The following MSH3 variants were observed in gnomAD, a reference collection of about 807,000 sequenced individuals.
MSH3 encodes mutS homolog 3.
Under a neutral mutation model 123.3 loss-of-function variants are expected in MSH3, and 106 were observed. The observed-to-expected ratio is 0.86, with a 90% CI of 0.73 to 1.01. MSH3 has a LOEUF of 1.01. Ranked by LOEUF, MSH3 falls within the 50% of genes least tolerant of loss-of-function variation. MSH3 has a pLI of 0.00. For missense variants in MSH3, 1,459 were observed against 1,347.6 expected (o/e 1.08, Z -1.29); for synonymous variants, 515 against 481.4 (o/e 1.07, Z -0.91).
intron 20 of MSH3, among the ~76,000 whole-genome samples, chr5:80,850,514 G>A (rs530770573): frequency 2.0e-5 from 3 of 152,284 alleles, no homozygotes; most frequent in African/African-American, 7.2e-5. Flanking sequence ...CAGAAGGCAA[G>A]GAGGAGCAAG....
chr5:80,705,404 G>C (rs1234575588), intron 8 of MSH3, among the ~76,000 whole-genome samples: 2 of 152,190 alleles, frequency 1.3e-5, no homozygotes, highest in African/African-American at 4.8e-5. Context: ...CTTTGTACCA[G>C]ACGGTGAAAG....
At chr5:80,673,528 T>TCAAACAAACAAA (rs572663390) in intron 6 of MSH3, among the ~76,000 whole-genome samples, 7 of 152,022 alleles carry the variant, frequency 4.6e-5, no homozygotes, top group African/African-American at 1.7e-4. Flanking sequence ...AGACCCTGTC[T>TCAAACAAACAAA]CAAACAAACA....
chr5:80,862,128 AGTGTCG>A (rs1265773028), intron 21 of MSH3, among the ~76,000 whole-genome samples: 1 of 152,154 alleles, frequency 6.6e-6, no homozygotes, highest in East Asian at 1.9e-4. Context: ...TGAGGAGCAC[AGTGTCG>A]GATCCCAGAC....
chr5:80,726,758 C>T (rs1386383421), intron 9 of MSH3, among the ~76,000 whole-genome samples: 1 of 152,224 alleles, frequency 6.6e-6, no homozygotes, highest in African/African-American at 2.4e-5. Context: ...GCATGAGCCA[C>T]TGCGCCCAGC....
chr5:80,689,683 A>C (rs572076610), intron 8 of MSH3, among the ~76,000 whole-genome samples: 2 of 151,428 alleles, frequency 1.3e-5, no homozygotes, highest in South Asian at 4.2e-4. Flanking sequence ...CTACCAGTTC[A>C]AGGGGATATA....
intron 2 of MSH3, among the ~76,000 whole-genome samples, chr5:80,659,680 G>T (rs1304396022): frequency 6.6e-6 from 1 of 152,040 alleles, no homozygotes; most frequent in Non-Finnish European, 1.5e-5. Context: ...CAGCCCAGGG[G>T]TATTTAGTAC....
intron 20 of MSH3, among the ~76,000 whole-genome samples, chr5:80,843,036 G>A (rs1366625378): frequency 1.3e-5 from 2 of 152,008 alleles, no homozygotes; most frequent in East Asian, 1.9e-4. Context: ...TATTGGCTGT[G>A]GGTTTGTCAT....
chr5:80,793,859 C>G (rs189448337), intron 19 of MSH3, among the ~76,000 whole-genome samples: 3 of 152,240 alleles, frequency 2.0e-5, no homozygotes, highest in Admixed American at 1.3e-4. Flanking sequence ...GTTCCATTGT[C>G]AAAGCTAAAT....
intron 12 of MSH3, among the ~76,000 whole-genome samples, chr5:80,754,300 G>A (rs1743886237): frequency 6.6e-6 from 1 of 151,494 alleles, no homozygotes; most frequent in Admixed American, 6.6e-5. Flanking sequence ...ATATATATAT[G>A]AAATCTCTTC....
rs1361496014 is a variant in MSH3 at position 80,725,469 on chromosome 5, A to G, written c.1357A>G (p.Ile453Val). The G allele has an allele frequency of 2.5e-6, 4 of 1,613,774 alleles. No homozygotes were observed. In the South Asian group the frequency reaches 3.3e-5, roughly 13 times the overall value. ...ATSVSVQDDR[I>V]RVERMDNIYF... is the part of the protein sequence containing the mutation. ...TTCTTTCAGTGTGCAGGATGACAGA[A>G]TTCGAGTCGAAAGGATGGATAACAT... The change falls in exon 9 of 24, where the codon ATT becomes GTT. Residue 453 changes from isoleucine (I) to valine (V), a missense_variant. By Grantham distance (29) the Ile-to-Val change is conservative. Transcript: ENST00000265081.
At chr5:80,722,326 G>T (rs748837322) in intron 8 of MSH3, among the ~76,000 whole-genome samples, 7 of 152,108 alleles carry the variant, frequency 4.6e-5, no homozygotes, top group South Asian at 2.1e-4. Context: ...AAAAAATATT[G>T]AGAAACTTTC....
At chr5:80,677,822 C>T (rs533638548) in intron 7 of MSH3, among the ~76,000 whole-genome samples, 18 of 152,316 alleles carry the variant, frequency 1.2e-4, no homozygotes, top group African/African-American at 3.4e-4. Context: ...TTACATGTGT[C>T]GCTGTAGTTC....
At chr5:80,730,214 T>C (rs749951699) in intron 10 of MSH3, among the ~76,000 whole-genome samples, 2 of 152,232 alleles carry the variant, frequency 1.3e-5, no homozygotes, top group Non-Finnish European at 2.9e-5. Context: ...TATTAATATA[T>C]GACCAATGCT....
intron 13 of MSH3, among the ~76,000 whole-genome samples, chr5:80,761,930 T>C (rs1425636199): frequency 6.6e-6 from 1 of 152,160 alleles, no homozygotes; most frequent in Admixed American, 6.5e-5. Flanking sequence ...TGTTATAATA[T>C]AGGGTATTCT....
rs755425706 is a variant in MSH3 at position 80,864,794 on chromosome 5, T to C, written c.3001-19T>C. 1 of 1,597,330 alleles carries C rather than the reference T, an allele frequency of 6.3e-7. No homozygotes were observed. Among genetic ancestry groups the C allele is most frequent in the Admixed American group, 1.7e-5 (1 of 59,954 alleles). On this transcript the variant is annotated intron_variant, in intron 21 of 23. Transcript: ENST00000265081. ...AAATTTAAAAATGAAATAACATTTATTCTGTCTTATTGCTTTAGGTGAAAT... is the reference window on the plus strand; with the variant it reads ...AAATTTAAAAATGAAATAACATTTACTCTGTCTTATTGCTTTAGGTGAAAT...
At chr5:80,665,506 GT>G in intron 3 of MSH3, 143 bp downstream of exon 3, 2 of 677,776 alleles carry the variant, frequency 3.0e-6, no homozygotes, top group Non-Finnish European at 5.1e-6. Context: ...TTGTGTTTTA[GT>G]TTAGTTTTCT....
intron 19 of MSH3, among the ~76,000 whole-genome samples, chr5:80,811,635 A>T (rs574633576): frequency 2.6e-5 from 4 of 152,096 alleles, no homozygotes; most frequent in Non-Finnish European, 5.9e-5. Flanking sequence ...TCTTTCTTAA[A>T]TGTTTGCAAG....
intron 8 of MSH3, among the ~76,000 whole-genome samples, chr5:80,691,996 G>T (rs148762633): frequency 0.02 from 489 of 24,058 alleles, 49 homozygotes; most frequent in East Asian, 0.076. Flanking sequence ...TATATGTTTA[G>T]ATAGATAAAC....
At chr5:80,684,555 T>C (rs1429515257) in intron 8 of MSH3, among the ~76,000 whole-genome samples, 1 of 152,214 alleles carries the variant, frequency 6.6e-6, no homozygotes, top group Non-Finnish European at 1.5e-5. Context: ...ATTTGTTTGA[T>C]CAGTTCTGAC....
Sources: allele counts gnomAD v4.1 joint callset (sites outside exome capture counted in the v4.1 genomes callset), GRCh38; gene constraint gnomAD v4.1.1; transcripts MANE v1.5; gene names NCBI Gene and HGNC (gene_info 2026-07-23, HGNC 2026-07-21).